The following PTPRT variants were observed in gnomAD, a reference collection of about 807,000 sequenced individuals.
The protein encoded by PTPRT is receptor-type tyrosine-protein phosphatase T.
Under a neutral mutation model 176.8 loss-of-function variants are expected in PTPRT, and 56 were observed. That is an observed-to-expected ratio of 0.32 (90% CI 0.26 to 0.40). The LOEUF is 0.40. Among genes scored for constraint, PTPRT ranks in the 10% least tolerant of loss-of-function variants. The pLI is 1.00. For missense variants in PTPRT, 1,540 were observed against 1,908.2 expected (o/e 0.81, Z 3.60); for synonymous variants, 783 against 739.0 (o/e 1.06, Z -0.96).
intron 1 of PTPRT, among the ~76,000 whole-genome samples, chr20:43,042,241 T>C (rs947036572): frequency 5.3e-5 from 8 of 152,206 alleles, no homozygotes; most frequent in Non-Finnish European, 7.3e-5. Context: ...AGTAGGTACA[T>C]TGTTTATTCA....
At chr20:42,481,019 A>T (rs1293922292) in intron 7 of PTPRT, among the ~76,000 whole-genome samples, 1 of 149,344 alleles carries the variant, frequency 6.7e-6, no homozygotes, top group African/African-American at 2.5e-5. Flanking sequence ...AGGCAGAAGT[A>T]GGTGAGCTTT....
intron 1 of PTPRT, among the ~76,000 whole-genome samples, chr20:43,144,355 T>G (rs77581504): frequency 6.6e-6 from 1 of 152,160 alleles, no homozygotes; most frequent in Non-Finnish European, 1.5e-5. Context: ...CCTTGATCTC[T>G]CTTCCCAAAA....
chr20:42,758,001 G>C (rs2076860526), intron 5 of PTPRT, among the ~76,000 whole-genome samples: 1 of 152,154 alleles, frequency 6.6e-6, no homozygotes, highest in African/African-American at 2.4e-5. Flanking sequence ...GCTCTTCTCA[G>C]AAGAAAAATC....
chr20:42,052,528 A>G, the PTPRT span, among the ~76,000 whole-genome samples: 1 of 151,980 alleles, frequency 6.6e-6, no homozygotes, highest in Non-Finnish European at 1.5e-5. Flanking sequence ...CATTTTTTTT[A>G]GATCATCAGG....
intron 1 of PTPRT, among the ~76,000 whole-genome samples, chr20:42,920,314 A>T (rs2145951701): frequency 6.6e-6 from 1 of 152,368 alleles, no homozygotes. Context: ...ATGCCATATT[A>T]TTCCTTTTAT....
chr20:42,648,867 G>A (rs1412233845), intron 7 of PTPRT, among the ~76,000 whole-genome samples: 1 of 141,706 alleles, frequency 7.1e-6, no homozygotes, highest in Admixed American at 7.3e-5. Flanking sequence ...CGCCCAGGCT[G>A]GAGTGCAGTG....
At chr20:42,497,553 G>T (rs2071677088) in intron 7 of PTPRT, among the ~76,000 whole-genome samples, 1 of 151,948 alleles carries the variant, frequency 6.6e-6, no homozygotes, top group African/African-American at 2.4e-5. Context: ...AAGTAGCTGA[G>T]ATTATAGGCA....
rs903045995 is a variant in PTPRT, at chr20:43,029,357, C to T, written c.89-143425G>A. Among the ~76,000 whole-genome samples, 3 of 152,272 alleles carry T rather than the reference C, an allele frequency of 2.0e-5. No individual in the cohort carries two copies. In the East Asian group the frequency reaches 5.8e-4, roughly 29 times the overall value. ...TGCACACAGGCCACCCACCAACAAG[C>T]AATTGTGATTGGAAGTGCTTCGGCT... On this transcript the variant is annotated intron_variant, in intron 1 of 30. Transcript: ENST00000373187.
chr20:43,073,778 G>A (rs2011215306), intron 1 of PTPRT, among the ~76,000 whole-genome samples: 2 of 151,878 alleles, frequency 1.3e-5, no homozygotes, highest in Non-Finnish European at 2.9e-5. Flanking sequence ...GCAGAGCCAG[G>A]GTCTCACTCT....
chr20:43,005,569 T>C (rs529910351), intron 1 of PTPRT, among the ~76,000 whole-genome samples: 25 of 152,294 alleles, frequency 1.6e-4, no homozygotes, highest in African/African-American at 5.3e-4. Flanking sequence ...GAGGAGAGAA[T>C]TGGCCATACT....
At chr20:42,189,438 T>C (rs1035182573) in intron 16 of PTPRT, among the ~76,000 whole-genome samples, 7 of 152,204 alleles carry the variant, frequency 4.6e-5, no homozygotes, top group East Asian at 1.9e-4. Context: ...AGTAATATCA[T>C]TGGAGGCAGA....
intron 2 of PTPRT, among the ~76,000 whole-genome samples, chr20:42,881,012 T>C (rs1408215826): frequency 6.6e-6 from 1 of 152,218 alleles, no homozygotes; most frequent in East Asian, 1.9e-4. Context: ...GGACCCACAG[T>C]AGAACACCTG....
chr20:42,791,404 G>T lies in PTPRT; in HGVS notation c.277C>A (p.Pro93Thr), dbSNP rs1182812370. The T allele has an allele frequency of 6.2e-7, 1 of 1,614,080 alleles. No individual in the cohort carries two copies. The highest frequency in any genetic ancestry group is 8.5e-7 in the Non-Finnish European group (1 of 1,179,960). The change falls in exon 3 of 31, where the codon CCA (proline) becomes ACA (threonine). Residue 93 changes from proline (P) to threonine (T), a missense_variant. Transcript: ENST00000373187. The part of the protein sequence containing the change: ...ASGQKAHLLL[P>T]TLKENDTHCI... ...TGGGTGTCATTCTCCTTCAGGGTTG[G>T]CAGGAGAAGGTGGGCCTTCTGGCCA...
chr20:42,177,900 TTCTC>T (rs1990359131), intron 16 of PTPRT, among the ~76,000 whole-genome samples: 1 of 150,906 alleles, frequency 6.6e-6, no homozygotes, highest in East Asian at 2.0e-4. Flanking sequence ...TTTCTTTCCT[TTCTC>T]TCTCTCTTTC....
intron 7 of PTPRT, among the ~76,000 whole-genome samples, chr20:42,505,895 C>T (rs1460560280): frequency 6.6e-6 from 1 of 152,148 alleles, no homozygotes; most frequent in Admixed American, 6.6e-5. Context: ...AAGCATATTT[C>T]ACTTTGTTCA....
chr20:42,033,700 T>G, the PTPRT span, among the ~76,000 whole-genome samples: 4 of 152,160 alleles, frequency 2.6e-5, no homozygotes, highest in African/African-American at 9.7e-5. Context: ...TGAGTTCATT[T>G]TTTTCAGCTA....
intron 7 of PTPRT, among the ~76,000 whole-genome samples, chr20:42,490,215 T>A (rs997496670): frequency 6.6e-5 from 10 of 152,190 alleles, no homozygotes; most frequent in African/African-American, 2.4e-4. Context: ...TTGACTACTA[T>A]GATTTTTCCC....
At chr20:43,027,527 C>T (rs1985965279) in intron 1 of PTPRT, among the ~76,000 whole-genome samples, 2 of 151,290 alleles carry the variant, frequency 1.3e-5, no homozygotes, top group South Asian at 4.2e-4. Flanking sequence ...TGACTGGTGT[C>T]CTTATGAGAA....
At position 42,985,492 on chromosome 20, in the gene PTPRT, G is replaced by A. The variant is rs979698667; in HGVS notation, c.89-99560C>T. ...CTGGGCAACAGAGTGAGACTCCGTT[G>A]CTAAATAAATAAATAAATAAAGTGG... On this transcript the variant is annotated intron_variant, in intron 1 of 30. Coordinates refer to ENST00000373187, the MANE Select transcript of PTPRT (RefSeq NM_007050.6). Among the ~76,000 whole-genome samples the A allele has an allele frequency of 4.0e-5, 6 of 151,850 alleles. No individual in the cohort carries two copies. The East Asian group carries it at 5.8e-4, about 15-fold the overall frequency.
Sources: gnomAD v4.1 joint callset for allele counts (sites outside exome capture counted in the v4.1 genomes callset) on GRCh38, gnomAD v4.1.1 for gene constraint, MANE v1.5 for transcripts, NCBI Gene and HGNC (gene_info 2026-07-23, HGNC 2026-07-21) for gene names.